The following BOP1 variants were observed in gnomAD, a reference collection of about 807,000 sequenced individuals.
The protein encoded by BOP1 is ribosome biogenesis protein BOP1.
Under a neutral mutation model 82.9 loss-of-function variants are expected in BOP1, and 54 were observed. The observed-to-expected ratio is 0.65, with a 90% CI of 0.52 to 0.82. BOP1 has a LOEUF of 0.82. Ranked by LOEUF, BOP1 falls within the 40% of genes least tolerant of loss-of-function variation. BOP1 has a pLI of 0.00. For missense variants in BOP1, 1,170 were observed against 1,072.0 expected (o/e 1.09, Z -1.28); for synonymous variants, 566 against 451.1 (o/e 1.25, Z -3.23).
chr8:144,268,568 T>G, intron 3 of BOP1: 1 of 247,558 alleles, frequency 4.0e-6, no homozygotes, highest in South Asian at 5.1e-5. Flanking sequence ...GGTGGTCCCA[T>G]CCTCCTTGGG....
Position 144,262,891 on chromosome 8 carries a change from T to G in BOP1, c.1856A>C (p.Asn619Thr). ...CGCCAGGCTGGACACCCACTTGCAG[T>G]TGGGCATCAGCTTCTTGGTGAGCTC... ...RQELTKKLMP[N>T]CKWVSSLAVH... The change falls in exon 13 of 16, where the codon AAC becomes ACC. Residue 619 changes from asparagine to threonine, a missense_variant. Physicochemically the swap from Asn to Thr is moderately conservative, Grantham distance 65. Coordinates refer to ENST00000569669, the MANE Select transcript of BOP1 (RefSeq NM_015201.5). 1 of 1,507,024 alleles carries G rather than the reference T, an allele frequency of 6.6e-7. No homozygotes were observed. Among genetic ancestry groups the G allele is most frequent in the Non-Finnish European group, 8.8e-7 (1 of 1,130,374 alleles). The allele number at this position is 1,507,024 out of a possible 1,614,324, so 93.4% of individuals were successfully genotyped here.
rs1255166277 is a variant in BOP1, at chr8:144,264,161, A to G, written c.979-19T>C. 5.0e-6 allele frequency: 8 copies of G among 1,609,778 alleles called. No homozygotes were observed. Among genetic ancestry groups the G allele is most frequent in the Non-Finnish European group, 6.8e-6 (8 of 1,178,918 alleles). On this transcript the variant is annotated intron_variant, in intron 7 of 15. Transcript: ENST00000569669. ...CCAAGCGCTGTGGAGACCAAGACAC[A>G]GGGGTGGGGAGGGTCACAGGGAAGC...
intron 2 of BOP1, among the ~76,000 whole-genome samples, chr8:144,279,456 C>T (rs193063351): frequency 6.6e-6 from 1 of 152,300 alleles, no homozygotes; most frequent in African/African-American, 2.4e-5. Context: ...GACCACTCCA[C>T]AGCACTGTGA....
At chr8:144,290,419 T>G (rs1467733417) in intron 1 of BOP1, among the ~76,000 whole-genome samples, 1 of 152,092 alleles carries the variant, frequency 6.6e-6, no homozygotes, top group Non-Finnish European at 1.5e-5. Context: ...TAGATTTTAC[T>G]GTTTTCCTAA....
At position 144,291,274 on chromosome 8, in the gene BOP1, C is replaced by G; in HGVS notation, c.97G>C (p.Glu33Gln). 6.9e-7 allele frequency: 1 copy of G among 1,459,114 alleles called. No individual in the cohort carries two copies. The highest frequency in any genetic ancestry group is 1.3e-5 in the South Asian group (1 of 77,340). 90.4% of individuals were successfully genotyped at this position (1,459,114 alleles called of 1,614,324 possible). A position where few individuals can be genotyped will look rare whatever the true frequency, so the allele number is the denominator to read the frequency against. Residue 33 changes from glutamate (E) to glutamine (Q), a missense_variant and splice_region_variant, in exon 1 of 16, where the codon GAG becomes CAG. Transcript: ENST00000569669. The surrounding 1 kb of genome is among the most constrained non-coding windows in gnomAD (Gnocchi z 4.1). ...CCGCCCCGCATCGCCACAGTCACCT[C>G]CGGCTCGGGCTCAGGCTCCAGTTCG... ...EPELEPEPEPEPPLLCTSPLS... is the reference protein window; with the variant it reads ...EPELEPEPEPQPPLLCTSPLS...
chr8:144,264,163 G>A, intron 7 of BOP1, 21 bp from the exon 8 acceptor site: 5 of 1,610,382 alleles, frequency 3.1e-6, no homozygotes, highest in East Asian at 2.2e-5. Flanking sequence ...CAAGACACAG[G>A]GGTGGGGAGG....
chr8:144,276,105 G>T, intron 3 of BOP1, 119 bp downstream of exon 3: 1 of 1,193,438 alleles, frequency 8.4e-7, no homozygotes. Flanking sequence ...CCAACAGTGC[G>T]GCCCACCTGC....
intron 3 of BOP1, among the ~76,000 whole-genome samples, chr8:144,267,401 C>T (rs1259637597): frequency 6.6e-6 from 1 of 152,156 alleles, no homozygotes; most frequent in Non-Finnish European, 1.5e-5. Context: ...GAGTCCCCTG[C>T]AGGGAGCTGC....
intron 2 of BOP1, among the ~76,000 whole-genome samples, chr8:144,280,943 A>G (rs913135196): frequency 7.1e-6 from 1 of 140,936 alleles, no homozygotes; most frequent in Non-Finnish European, 1.5e-5. Flanking sequence ...CTCTCAGTTT[A>G]ATACCAGGTC....
At position 144,263,818 on chromosome 8, in the gene BOP1, A is replaced by G; in HGVS notation, c.1221+13T>C. ...TGGGAGGGTGCAACCCCAGCCCCCT[A>G]GTCTCCACTTACCAGGGCCTGGCAC... is the stretch of plus-strand genomic sequence containing the variant. On this transcript the variant is annotated intron_variant, in intron 9 of 15. Transcript: ENST00000569669. The G allele has an allele frequency of 6.2e-7, 1 of 1,610,480 alleles. No homozygotes were observed. Among genetic ancestry groups the G allele is most frequent in the Non-Finnish European group, 8.5e-7 (1 of 1,179,462 alleles).
At chr8:144,276,394 T>C in intron 2 of BOP1, 90 bp from the exon 3 acceptor site, 1 of 1,427,112 alleles carries the variant, frequency 7.0e-7, no homozygotes. Context: ...CACCCCGAAA[T>C]CTCTGAGCAG....
intron 3 of BOP1, 142 bp downstream of exon 3, chr8:144,276,082 G>A (rs1318458384): frequency 1.8e-5 from 17 of 932,536 alleles, no homozygotes; most frequent in South Asian, 2.7e-5. Context: ...GGACGCCCAC[G>A]TGGGCCTCGG....
intron 2 of BOP1, among the ~76,000 whole-genome samples, chr8:144,288,852 C>T (rs1437218461): frequency 2.6e-5 from 4 of 152,200 alleles, no homozygotes; most frequent in South Asian, 4.1e-4. Flanking sequence ...GAGGGTTGCC[C>T]GAGCATCGTC....
intron 3 of BOP1, among the ~76,000 whole-genome samples, chr8:144,269,894 C>G (rs1473165942): frequency 2.6e-5 from 4 of 152,160 alleles, no homozygotes; most frequent in African/African-American, 9.7e-5. Context: ...ATGGCCAGGC[C>G]GGGCACTCTG....
intron 2 of BOP1, among the ~76,000 whole-genome samples, chr8:144,276,768 G>C (rs1204931661): frequency 6.6e-6 from 1 of 152,320 alleles, no homozygotes; most frequent in East Asian, 1.9e-4. Context: ...AGACGCAGCC[G>C]TCGCAGCAGG....
At chr8:144,270,232 A>G (rs932265885) in intron 3 of BOP1, among the ~76,000 whole-genome samples, 310 of 152,292 alleles carry the variant, frequency 2.0e-3, no homozygotes, top group African/African-American at 6.9e-3. Context: ...GCAGGAGGCC[A>G]GACAGGAGCA....
chr8:144,277,789 AGGGCAGGGGC>A (rs1845590476), intron 2 of BOP1, among the ~76,000 whole-genome samples: 2 of 57,052 alleles, frequency 3.5e-5, no homozygotes, highest in African/African-American at 6.9e-5. Flanking sequence ...CAGCGCCCGA[AGGGCAGGGGC>A]GGTGCGGGCA....
At chr8:144,267,310 C>A in intron 3 of BOP1, 1 of 1,145,784 alleles carries the variant, frequency 8.7e-7, no homozygotes, top group Non-Finnish European at 1.1e-6. Context: ...ACCTGTAACA[C>A]AGGCCTGCCG....
chr8:144,291,240 C>A lies in BOP1; in HGVS notation c.99+32G>T. The A allele has an allele frequency of 7.0e-7, 1 of 1,436,428 alleles. No homozygotes were observed. Among genetic ancestry groups the A allele is most frequent in the South Asian group, 1.3e-5 (1 of 74,474 alleles). 89.0% of individuals were successfully genotyped at this position (1,436,428 alleles called of 1,614,324 possible). A position where few individuals can be genotyped will look rare whatever the true frequency, so the allele number is the denominator to read the frequency against. Reference sequence around the variant, plus strand: ...ACGTGCCCGCCGGGCCCTCTAGGGACGCGCCCCGCCGCCCCGCATCGCCAC... The same window carrying A: ...ACGTGCCCGCCGGGCCCTCTAGGGAAGCGCCCCGCCGCCCCGCATCGCCAC... On this transcript the variant is annotated intron_variant, in intron 1 of 15. Transcript: ENST00000569669. The surrounding 1 kb of genome is among the most constrained non-coding windows in gnomAD (Gnocchi z 4.1).
Sources: gnomAD v4.1 joint callset for allele counts (sites outside exome capture counted in the v4.1 genomes callset) on GRCh38, gnomAD v4.1.1 for gene constraint, Gnocchi (gnomAD v3.1) non-coding constraint, MANE v1.5 for transcripts, NCBI Gene and HGNC (gene_info 2026-07-23, HGNC 2026-07-21) for gene names.